SLC6A13: variants seen among roughly 807,000 people sequenced by gnomAD.
SLC6A13 encodes sodium- and chloride-dependent GABA transporter 2.
SLC6A13 carries 69 observed loss-of-function variants against 72.9 expected under a neutral mutation model. That is an observed-to-expected ratio of 0.95 (90% CI 0.78 to 1.16). The LOEUF is 1.16. SLC6A13 is among the 50% of genes most tolerant of loss of function. The pLI is 0.00. For synonymous variants in SLC6A13, 303 were observed against 303.0 expected (o/e 1.00, Z 0.00); for missense variants, 735 against 760.5 (o/e 0.97, Z 0.39).
At chr12:236,176 A>C (rs1003334616) in intron 6 of SLC6A13, among the ~76,000 whole-genome samples, 2 of 152,124 alleles carry the variant, frequency 1.3e-5, no homozygotes, top group Non-Finnish European at 2.9e-5. Flanking sequence ...GAAGCATGTG[A>C]TCTTTGTTAG....
At chr12:239,947 C>T (rs1055319085) in intron 4 of SLC6A13, among the ~76,000 whole-genome samples, 1 of 152,138 alleles carries the variant, frequency 6.6e-6, no homozygotes, top group Non-Finnish European at 1.5e-5. Flanking sequence ...AAATAATACT[C>T]AGGTATTTAA....
In SLC6A13 at chr12:223,250, T is replaced by C; in HGVS notation, c.1312-16A>G. On this transcript the variant is annotated splice_polypyrimidine_tract_variant and intron_variant, in intron 11 of 14. Transcript: ENST00000343164. ...ACATTCCGCCCTGCATGGGAGGAGA[T>C]TATTTTAAAAAGAAGTTTATCCAGT... is the stretch of plus-strand genomic sequence containing the variant. 6.4e-7 allele frequency: 1 copy of C among 1,553,680 alleles called. No individual in the cohort carries two copies. The highest frequency in any genetic ancestry group is 1.1e-5 in the South Asian group (1 of 88,684).
chr12:239,263 G>A (rs75131194), intron 4 of SLC6A13, among the ~76,000 whole-genome samples: 4 of 16,336 alleles, frequency 2.4e-4, no homozygotes, highest in Admixed American at 5.1e-4. Flanking sequence ...TTCAGCCACC[G>A]GCTCTACCAC....
intron 2 of SLC6A13, among the ~76,000 whole-genome samples, chr12:247,094 G>C (rs1408041999): frequency 3.3e-5 from 5 of 151,172 alleles, no homozygotes; most frequent in Non-Finnish European, 7.4e-5. Flanking sequence ...TAAGTGGTGA[G>C]ACAGCTTCAA....
intron 2 of SLC6A13, chr12:259,003 A>G (rs1375818562): frequency 2.0e-6 from 2 of 985,204 alleles, no homozygotes; most frequent in Non-Finnish European, 2.4e-6. Context: ...CAACGTCATC[A>G]TCAGCAGAGC....
chr12:221,298 C>T, intron 14 of SLC6A13, 78 bp downstream of exon 14: 1 of 1,448,400 alleles, frequency 6.9e-7, no homozygotes, highest in Non-Finnish European at 9.3e-7. Flanking sequence ...GGTGTGCGCC[C>T]TGGCTGGCAG....
At chr12:223,024 G>A (rs73038076) in intron 12 of SLC6A13, 108 bp downstream of exon 12, 17,486 of 681,810 alleles carry the variant, frequency 0.026, 311 homozygotes, top group Middle Eastern at 0.069. Flanking sequence ...GTAGGGAGGC[G>A]CCCCAGGAAA....
At chr12:259,735 T>C in intron 2 of SLC6A13, 116 bp downstream of exon 2, 1 of 1,605,110 alleles carries the variant, frequency 6.2e-7, no homozygotes, top group Non-Finnish European at 8.5e-7. Flanking sequence ...CTAAGCGTCC[T>C]CCTACCTCCA....
intron 7 of SLC6A13, among the ~76,000 whole-genome samples, 163 bp downstream of exon 7, chr12:234,927 C>T (rs369958111): frequency 1.1e-4 from 16 of 152,202 alleles, no homozygotes; most frequent in Non-Finnish European, 1.3e-4. Flanking sequence ...GACCCCTTTC[C>T]GGCAACAAAC....
intron 2 of SLC6A13, among the ~76,000 whole-genome samples, chr12:250,386 A>T (rs1409284530): frequency 6.7e-6 from 1 of 148,486 alleles, no homozygotes; most frequent in Non-Finnish European, 1.5e-5. Flanking sequence ...TACAATGAAA[A>T]TCCTTTGGAA....
In SLC6A13 at chr12:220,850, G is replaced by T; in HGVS notation, c.*98C>A. 12 of 1,487,518 alleles carry T rather than the reference G, an allele frequency of 8.1e-6. No individual in the cohort carries two copies. The highest frequency in any genetic ancestry group is 1.1e-5 in the Non-Finnish European group (12 of 1,095,212). 92.1% of individuals were successfully genotyped at this position (1,487,518 alleles called of 1,614,324 possible). On this transcript the variant is annotated 3_prime_UTR_variant, in exon 15 of 15. Coordinates refer to ENST00000343164, the MANE Select transcript of SLC6A13 (RefSeq NM_016615.5). ...TACCCCTCTTGTCTTATCCACTCCA[G>T]GTCGGGGGCAGGGAAGCACATGGGG... is the stretch of plus-strand genomic sequence containing the variant.
At chr12:228,491 T>C (rs1359180172) in intron 7 of SLC6A13, among the ~76,000 whole-genome samples, 1 of 152,062 alleles carries the variant, frequency 6.6e-6, no homozygotes, top group East Asian at 1.9e-4. Flanking sequence ...GTGTCTGTGT[T>C]CCTAATGGAA....
chr12:234,947 G>C (rs1213893928), intron 7 of SLC6A13, 143 bp downstream of exon 7: 2 of 886,894 alleles, frequency 2.3e-6, no homozygotes, highest in Non-Finnish European at 3.5e-6. Flanking sequence ...CAGATGTCTA[G>C]AGAAGGAAGG....
At chr12:230,537 C>T (rs1018452672) in intron 7 of SLC6A13, among the ~76,000 whole-genome samples, 2 of 152,148 alleles carry the variant, frequency 1.3e-5, no homozygotes, top group Non-Finnish European at 2.9e-5. Flanking sequence ...TAAAATAATG[C>T]ATGTAAAATG....
intron 2 of SLC6A13, chr12:259,640 A>C: frequency 7.0e-7 from 1 of 1,431,390 alleles, no homozygotes; most frequent in African/African-American, 1.4e-5. Context: ...TATTTCTACG[A>C]TGCCACGTTA....
At chr12:231,541 G>A (rs1327031848) in intron 7 of SLC6A13, among the ~76,000 whole-genome samples, 3 of 152,118 alleles carry the variant, frequency 2.0e-5, no homozygotes, top group Admixed American at 6.5e-5. Flanking sequence ...CATGAGACTT[G>A]GACCAGGCAG....
chr12:254,230 C>A lies in SLC6A13; in HGVS notation c.202+5621G>T, dbSNP rs927990378. ...AGGGCCCCACCCCCGAGGAGTCTGG[C>A]CACTGGCACACTGTCACTGCTACGC... On this transcript the variant is annotated intron_variant, in intron 2 of 14. Coordinates refer to ENST00000343164, the MANE Select transcript of SLC6A13 (RefSeq NM_016615.5). This position sits in a 1 kb window ranked among gnomAD's most constrained non-coding sequence, Gnocchi z 4.4. Among the ~76,000 whole-genome samples, 1 of 152,262 alleles carries A rather than the reference C, an allele frequency of 6.6e-6. No homozygotes were observed. Among genetic ancestry groups the A allele is most frequent in the Non-Finnish European group, 1.5e-5 (1 of 68,050 alleles).
In SLC6A13 at chr12:237,175, C is replaced by T. The variant is rs751603778; in HGVS notation, c.679G>A (p.Val227Met). Reference sequence around the variant, plus strand: ...ACACGAACCTTGCCTGTGGACTTCACCCCCTTCCAGATGCAGAAGTAGCAG... The same window carrying T: ...ACACGAACCTTGCCTGTGGACTTCATCCCCTTCCAGATGCAGAAGTAGCAG... ...VICYFCIWKG[V>M]KSTGKVVYFT... Residue 227 changes from valine to methionine, a missense_variant, in exon 6 of 15, where the codon GTG (valine) becomes ATG (methionine). Coordinates refer to ENST00000343164, the MANE Select transcript of SLC6A13 (RefSeq NM_016615.5). The T allele has an allele frequency of 1.2e-6, 2 of 1,614,092 alleles. No homozygotes were observed. Among genetic ancestry groups the T allele is most frequent in the Non-Finnish European group, 1.7e-6 (2 of 1,179,990 alleles).
chr12:254,480 A>G lies in SLC6A13; in HGVS notation c.202+5371T>C, dbSNP rs1332981702. Among the ~76,000 whole-genome samples, 1 of 151,828 alleles carries G rather than the reference A, an allele frequency of 6.6e-6. No homozygotes were observed. Among genetic ancestry groups the G allele is most frequent in the African/African-American group, 2.4e-5 (1 of 41,302 alleles). On this transcript the variant is annotated intron_variant, in intron 2 of 14. Coordinates refer to ENST00000343164, the MANE Select transcript of SLC6A13 (RefSeq NM_016615.5). This position sits in a 1 kb window ranked among gnomAD's most constrained non-coding sequence, Gnocchi z 4.4. ...TCCCAGCTGCTAAAACCAACAATCA[A>G]TTTCCTTTCCTCATCTTCTTAACCT...
Sources: gnomAD v4.1 joint callset for allele counts (sites outside exome capture counted in the v4.1 genomes callset) on GRCh38, gnomAD v4.1.1 for gene constraint, Gnocchi (gnomAD v3.1) non-coding constraint, MANE v1.5 for transcripts, NCBI Gene and HGNC (gene_info 2026-07-23, HGNC 2026-07-21) for gene names.